Variants in ALLC observed in about 807,000 individuals in gnomAD.
ALLC encodes allantoicase, also known as probable inactive allantoicase.
ALLC carries 40 observed loss-of-function variants against 45.0 expected under a neutral mutation model. The ratio of observed to expected loss-of-function variants is 0.89; its 90% CI spans 0.69 to 1.16. The LOEUF is 1.16. Ranked by LOEUF, ALLC falls within the 50% of genes most tolerant of loss-of-function variation. The probability of loss-of-function intolerance (pLI) is 0.00; values close to 1 mark genes in which losing one functional copy is unlikely to be tolerated. For missense variants in ALLC, 488 were observed against 493.1 expected (o/e 0.99, Z 0.10); for synonymous variants, 176 against 178.1 (o/e 0.99, Z 0.09).
rs773185835 is a variant in ALLC at position 3,696,327 on chromosome 2, G to A, written c.720G>A (p.Leu240=). Reference sequence around the variant, plus strand: ...ATGGTTGGGAAACTGCAAGAAGGCTGGACCGGCCACCAATATTAGAAGTAA... The same window carrying A: ...ATGGTTGGGAAACTGCAAGAAGGCTAGACCGGCCACCAATATTAGAAGTAA... The part of the protein sequence containing the change: ...MADGWETARR[L]DRPPILENDE... Residue 240 remains leucine (L), a synonymous_variant, in exon 9 of 12, where the codon CTG becomes CTA. Coordinates refer to ENST00000252505, the MANE Select transcript of ALLC (RefSeq NM_018436.4). The A allele has an allele frequency of 6.2e-7, 1 of 1,612,910 alleles. No individual in the cohort carries two copies. Among genetic ancestry groups the A allele is most frequent in the Admixed American group, 1.7e-5 (1 of 59,882 alleles).
At position 3,680,789 on chromosome 2, in the gene ALLC, T is replaced by A. The variant is rs907897396; in HGVS notation, c.298+795T>A. ...GGCGGTGTGCGTCACAGCCTCTGAT[T>A]TGTGCGATAATATCAAGGTTGACAT... On this transcript the variant is annotated intron_variant, in intron 5 of 11. Coordinates refer to ENST00000252505, the MANE Select transcript of ALLC (RefSeq NM_018436.4). The surrounding 1 kb of genome is among the most constrained non-coding windows in gnomAD (Gnocchi z 4.0). Among the ~76,000 whole-genome samples the A allele has an allele frequency of 2.0e-5, 3 of 152,068 alleles. No individual in the cohort carries two copies. Among genetic ancestry groups the A allele is most frequent in the Non-Finnish European group, 2.9e-5 (2 of 68,006 alleles).
At chr2:3,685,554 A>G (rs1265092677) in intron 7 of ALLC, among the ~76,000 whole-genome samples, 1 of 150,786 alleles carries the variant, frequency 6.6e-6, no homozygotes, top group African/African-American at 2.4e-5. Context: ...GAAGAACAGC[A>G]TGGGGAAAAC....
At chr2:3,696,448 A>T in intron 9 of ALLC, 100 bp downstream of exon 9, 1 of 931,064 alleles carries the variant, frequency 1.1e-6, no homozygotes, top group Non-Finnish European at 1.6e-6. Context: ...GAAACCTCAT[A>T]TGCATTGTTC....
Sources: allele counts gnomAD v4.1 joint callset (sites outside exome capture counted in the v4.1 genomes callset), GRCh38; gene constraint gnomAD v4.1.1; non-coding constraint Gnocchi (gnomAD v3.1); transcripts MANE v1.5; gene names NCBI Gene and HGNC (gene_info 2026-07-23, HGNC 2026-07-21).